Variants in EPCIP observed in about 807,000 individuals in gnomAD.
The protein encoded by EPCIP is exosomal polycystin-1-interacting protein.
chr21:32,798,010 A>T, the EPCIP span: 2 of 152,172 alleles, frequency 1.3e-5, no homozygotes, highest in Admixed American at 6.5e-5. Flanking sequence ...CTCTCAAGAA[A>T]AAATAAATAA....
At chr21:32,806,502 G>T in the EPCIP span, among the ~76,000 whole-genome samples, 16 of 152,218 alleles carry the variant, frequency 1.1e-4, no homozygotes, top group African/African-American at 3.6e-4. Context: ...GTGGGAGGAG[G>T]CAAGGACCTG....
the EPCIP span, among the ~76,000 whole-genome samples, chr21:32,799,240 C>G: frequency 1.3e-5 from 2 of 152,306 alleles, no homozygotes; most frequent in South Asian, 2.1e-4. Context: ...TGCAACTCTA[C>G]TCCTCTCAGT....
the EPCIP span, among the ~76,000 whole-genome samples, chr21:32,795,987 T>TCCTTCCTTCCTTCCA: frequency 7.0e-6 from 1 of 141,866 alleles, no homozygotes; most frequent in Admixed American, 7.0e-5. Context: ...CTTCCTTCCC[T>TCCTTCCTTCCTTCCA]CCTTCCCTCC....
At chr21:32,809,685 A>G in the EPCIP span, among the ~76,000 whole-genome samples, 1 of 151,964 alleles carries the variant, frequency 6.6e-6, no homozygotes, top group South Asian at 2.1e-4. Flanking sequence ...CTTATTCTCC[A>G]ATCTGGACCC....
At chr21:32,809,366 C>G in the EPCIP span, among the ~76,000 whole-genome samples, 1 of 131,364 alleles carries the variant, frequency 7.6e-6, no homozygotes, top group Non-Finnish European at 1.6e-5. Flanking sequence ...TTTTTCCTCT[C>G]TTCCTTTCTC....
the EPCIP span, chr21:32,794,070 C>T: frequency 1.2e-6 from 2 of 1,614,180 alleles, no homozygotes; most frequent in East Asian, 2.2e-5. Flanking sequence ...CCACAAATAG[C>T]CAGGTATTCA....
the EPCIP span, among the ~76,000 whole-genome samples, chr21:32,802,791 A>C: frequency 6.6e-6 from 1 of 152,202 alleles, no homozygotes; most frequent in Non-Finnish European, 1.5e-5. Context: ...CCCAGTGGGC[A>C]GCACAGCAAA....
the EPCIP span, among the ~76,000 whole-genome samples, chr21:32,809,326 TTCTTTCTTTCTTTCTTTCC>T: frequency 4.3e-4 from 63 of 146,056 alleles, no homozygotes; most frequent in Admixed American, 1.5e-3. Context: ...CTTTCTTTCT[TTCTTTCTTTCTTTCTTTCC>T]TCTTTCTTTC....
chr21:32,796,878 G>C, the EPCIP span: 1 of 430,872 alleles, frequency 2.3e-6, no homozygotes, highest in Non-Finnish European at 4.7e-6. Context: ...AGAAAAAAGA[G>C]GGGAGAGGTC....
the EPCIP span, among the ~76,000 whole-genome samples, chr21:32,804,476 A>G: frequency 6.6e-6 from 1 of 151,808 alleles, no homozygotes; most frequent in Non-Finnish European, 1.5e-5. Context: ...TGTATATTGT[A>G]TACTCATAAG....
the EPCIP span, among the ~76,000 whole-genome samples, chr21:32,808,443 T>G: frequency 6.6e-6 from 1 of 152,240 alleles, no homozygotes; most frequent in Admixed American, 6.5e-5. Flanking sequence ...GATGTAAGCC[T>G]TGGGCTTTTT....
chr21:32,792,138 A>G, the EPCIP span, among the ~76,000 whole-genome samples: 1 of 152,160 alleles, frequency 6.6e-6, no homozygotes, highest in Non-Finnish European at 1.5e-5. Flanking sequence ...TCCCGACCTC[A>G]GGTGATCCGC....
At chr21:32,805,435 C>T in the EPCIP span, among the ~76,000 whole-genome samples, 2 of 151,646 alleles carry the variant, frequency 1.3e-5, no homozygotes, top group African/African-American at 4.8e-5. Flanking sequence ...GATCTTGGCT[C>T]ACTGCAATCT....
At chr21:32,810,793 G>A in the EPCIP span, 1 of 400,254 alleles carries the variant, frequency 2.5e-6, no homozygotes, top group South Asian at 1.8e-5. Context: ...AACTTAACAT[G>A]CCAAATACAC....
chr21:32,799,523 G>C, the EPCIP span, among the ~76,000 whole-genome samples: 3 of 152,196 alleles, frequency 2.0e-5, no homozygotes, highest in Non-Finnish European at 4.4e-5. Flanking sequence ...TTTAACCCCA[G>C]AGCCATAACT....
At chr21:32,800,751 G>T in the EPCIP span, among the ~76,000 whole-genome samples, 1 of 152,076 alleles carries the variant, frequency 6.6e-6, no homozygotes, top group African/African-American at 2.4e-5. Flanking sequence ...AGGAGGCAGA[G>T]GTTGCAGTGA....
the EPCIP span, among the ~76,000 whole-genome samples, chr21:32,813,306 A>G: frequency 6.6e-6 from 1 of 152,230 alleles, no homozygotes; most frequent in Non-Finnish European, 1.5e-5. Flanking sequence ...TTTAAATGAG[A>G]AGACCATGTC....
At chr21:32,812,320 G>C in the EPCIP span, among the ~76,000 whole-genome samples, 1 of 152,100 alleles carries the variant, frequency 6.6e-6, no homozygotes. Context: ...TTGGTCCCAC[G>C]CCCACAGAAC....
At chr21:32,805,966 T>C in the EPCIP span, among the ~76,000 whole-genome samples, 4 of 152,098 alleles carry the variant, frequency 2.6e-5, no homozygotes, top group African/African-American at 9.7e-5. Context: ...CTTCAGGTGG[T>C]TAATTGCATA....
Sources: allele counts gnomAD v4.1 joint callset (sites outside exome capture counted in the v4.1 genomes callset), GRCh38; gene constraint gnomAD v4.1.1; transcripts MANE v1.5; gene names NCBI Gene and HGNC (gene_info 2026-07-23, HGNC 2026-07-21).